SLC25A21: variants seen among roughly 807,000 people sequenced by gnomAD.
The protein encoded by SLC25A21 is mitochondrial 2-oxodicarboxylate carrier.
Under a neutral mutation model 43.8 loss-of-function variants are expected in SLC25A21, and 47 were observed. The observed-to-expected ratio is 1.07, with a 90% CI of 0.85 to 1.37. SLC25A21 has a LOEUF of 1.37. SLC25A21 is among the 40% of genes most tolerant of loss of function. The probability of loss-of-function intolerance (pLI) is 0.00; values close to 1 mark genes in which losing one functional copy is unlikely to be tolerated. For missense variants in SLC25A21, 352 were observed against 350.2 expected (o/e 1.00, Z -0.04); for synonymous variants, 131 against 121.3 (o/e 1.08, Z -0.52).
chr14:36,825,329 G>A (rs772966858), intron 2 of SLC25A21, among the ~76,000 whole-genome samples: 3 of 151,934 alleles, frequency 2.0e-5, no homozygotes, highest in East Asian at 1.9e-4. Context: ...TGTCATGAAC[G>A]CATACTCAAA....
intron 2 of SLC25A21, among the ~76,000 whole-genome samples, chr14:36,840,122 G>A (rs183536795): frequency 2.0e-5 from 3 of 152,236 alleles, no homozygotes; most frequent in South Asian, 2.1e-4. Context: ...CAGAGCTCAC[G>A]GAACTAACTC....
At chr14:37,098,185 G>A (rs1470235307) in intron 1 of SLC25A21, 1 of 152,226 alleles carries the variant, frequency 6.6e-6, no homozygotes, top group African/African-American at 2.4e-5. Flanking sequence ...TTGAGAGGCA[G>A]AGGGACTCAG....
intron 3 of SLC25A21, among the ~76,000 whole-genome samples, chr14:36,803,647 G>A (rs747293670): frequency 2.0e-5 from 3 of 151,838 alleles, no homozygotes; most frequent in African/African-American, 4.8e-5. Flanking sequence ...AGATTTTTTG[G>A]TATCTTGTTT....
chr14:37,111,227 T>G (rs1191574900), intron 1 of SLC25A21, among the ~76,000 whole-genome samples: 1 of 152,156 alleles, frequency 6.6e-6, no homozygotes, highest in Non-Finnish European at 1.5e-5. Context: ...AAAATGACAC[T>G]GCTGTGGACA....
chr14:37,125,101 A>C (rs886980376), intron 1 of SLC25A21, among the ~76,000 whole-genome samples: 4 of 152,238 alleles, frequency 2.6e-5, no homozygotes, highest in African/African-American at 9.6e-5. Flanking sequence ...ACTAGGTAGA[A>C]GTCAGGCCAC....
chr14:36,688,063 T>C (rs1239001572), intron 7 of SLC25A21, among the ~76,000 whole-genome samples: 1 of 152,190 alleles, frequency 6.6e-6, no homozygotes, highest in Non-Finnish European at 1.5e-5. Flanking sequence ...CATACTATGG[T>C]CACACTGGTT....
intron 1 of SLC25A21, among the ~76,000 whole-genome samples, chr14:36,902,396 T>A (rs1233901449): frequency 6.6e-6 from 1 of 152,042 alleles, no homozygotes; most frequent in African/African-American, 2.4e-5. Flanking sequence ...GTGGCTAGTG[T>A]CTCAACTGTG....
chr14:36,803,013 A>C (rs1887920375), intron 3 of SLC25A21, among the ~76,000 whole-genome samples: 1 of 152,224 alleles, frequency 6.6e-6, no homozygotes, highest in Non-Finnish European at 1.5e-5. Flanking sequence ...TGGAATGCCA[A>C]ACACTAGAAA....
At chr14:36,948,696 C>T (rs117494514) in intron 1 of SLC25A21, among the ~76,000 whole-genome samples, 150 of 152,140 alleles carry the variant, frequency 9.9e-4, no homozygotes, top group Non-Finnish European at 1.9e-3. Context: ...CAATTGTGCA[C>T]TTGAAATATG....
chr14:36,736,560 TTA>T (rs1224371239), intron 3 of SLC25A21, among the ~76,000 whole-genome samples: 6 of 152,104 alleles, frequency 3.9e-5, no homozygotes, highest in African/African-American at 1.4e-4. Flanking sequence ...ATGATAAAGG[TTA>T]TTAGTTCTGT....
At chr14:36,846,096 G>A (rs1192298186) in intron 2 of SLC25A21, among the ~76,000 whole-genome samples, 1 of 152,158 alleles carries the variant, frequency 6.6e-6, no homozygotes, top group African/African-American at 2.4e-5. Context: ...GTGACTGATA[G>A]TGTTTACATT....
intron 2 of SLC25A21, among the ~76,000 whole-genome samples, chr14:36,820,223 T>C (rs1888580787): frequency 6.6e-6 from 1 of 152,164 alleles, no homozygotes; most frequent in African/African-American, 2.4e-5. Flanking sequence ...CCTTCTCCCA[T>C]TCAGCTCTGC....
At chr14:37,149,146 T>C (rs2138931477) in intron 1 of SLC25A21, among the ~76,000 whole-genome samples, 1 of 152,284 alleles carries the variant, frequency 6.6e-6, no homozygotes, top group African/African-American at 2.4e-5. Context: ...ACCACTGTTT[T>C]TTTTTAACTT....
chr14:36,688,380 G>C (rs1019363928), intron 7 of SLC25A21, among the ~76,000 whole-genome samples: 1 of 152,198 alleles, frequency 6.6e-6, no homozygotes, highest in African/African-American at 2.4e-5. Flanking sequence ...AGTCTGCACA[G>C]CATAGGAGCA....
At chr14:36,874,864 G>T in intron 2 of SLC25A21, 92 bp downstream of exon 2, 1 of 975,168 alleles carries the variant, frequency 1.0e-6, no homozygotes, top group Non-Finnish European at 1.5e-6. Context: ...AGAAGCTACC[G>T]GCCTGGGACA....
chr14:36,876,215 G>A (rs1008064398), intron 1 of SLC25A21, among the ~76,000 whole-genome samples: 5 of 152,134 alleles, frequency 3.3e-5, no homozygotes, highest in African/African-American at 7.2e-5. Flanking sequence ...CCACACAAAT[G>A]TCTTTTCCTT....
At chr14:36,939,749 C>A (rs75504972) in intron 1 of SLC25A21, among the ~76,000 whole-genome samples, 1,719 of 152,052 alleles carry the variant, frequency 0.011, 30 homozygotes, top group African/African-American at 0.039. Flanking sequence ...TTATTAAGCT[C>A]ATTAAAAGGG....
chr14:36,889,659 A>T (rs1891023404), intron 1 of SLC25A21, among the ~76,000 whole-genome samples: 1 of 151,308 alleles, frequency 6.6e-6, no homozygotes, highest in Non-Finnish European at 1.5e-5. Flanking sequence ...GCTATTTTTT[A>T]ATTTTATTTT....
chr14:36,904,217 G>A (rs557635335), intron 1 of SLC25A21, among the ~76,000 whole-genome samples: 5 of 152,258 alleles, frequency 3.3e-5, no homozygotes, highest in Admixed American at 6.5e-5. Flanking sequence ...AATTGACCAC[G>A]CGTAAGTCAA....
Sources: gnomAD v4.1 joint callset for allele counts (sites outside exome capture counted in the v4.1 genomes callset) on GRCh38, gnomAD v4.1.1 for gene constraint, MANE v1.5 for transcripts, NCBI Gene and HGNC (gene_info 2026-07-23, HGNC 2026-07-21) for gene names.